The following PARD3 variants were observed in gnomAD, a reference collection of about 807,000 sequenced individuals.
The protein encoded by PARD3 is partitioning defective 3 homolog.
PARD3 carries 75 observed loss-of-function variants against 155.4 expected under a neutral mutation model. The observed-to-expected ratio is 0.48, with a 90% CI of 0.40 to 0.58. The LOEUF (loss-of-function observed/expected upper bound fraction) is 0.58. Ranked by LOEUF, PARD3 falls within the 20% of genes least tolerant of loss-of-function variation. PARD3 has a pLI of 0.00. For missense variants in PARD3, 1,642 were observed against 1,721.7 expected (o/e 0.95, Z 0.82); for synonymous variants, 576 against 610.5 (o/e 0.94, Z 0.83).
At chr10:34,204,527 G>C (rs1304015626) in intron 22 of PARD3, among the ~76,000 whole-genome samples, 2 of 152,108 alleles carry the variant, frequency 1.3e-5, no homozygotes, top group Non-Finnish European at 2.9e-5. Context: ...CCAAAACTCA[G>C]GGCCCCAATC....
rs1232024635 is a variant in PARD3, at chr10:34,329,869, T to TGTATAAGCATTATAC, written c.2833+1233_2833+1247dup. ...TATTCATCTTCCCAAACGCATTATA[T>TGTATAAGCATTATAC]GTATAAGCATTATACGTATAAGCAA... On this transcript the variant is annotated intron_variant, in intron 19 of 24. Coordinates refer to ENST00000374788, the MANE Select transcript of PARD3 (RefSeq NM_001184785.2). Among the ~76,000 whole-genome samples the TGTATAAGCATTATAC allele has an allele frequency of 2.6e-5, 4 of 152,200 alleles. No individual in the cohort carries two copies. In the East Asian group the frequency reaches 7.7e-4, roughly 29 times the overall value.
At chr10:34,744,339 C>G (rs978344626) in intron 1 of PARD3, among the ~76,000 whole-genome samples, 2 of 152,174 alleles carry the variant, frequency 1.3e-5, no homozygotes, top group Non-Finnish European at 2.9e-5. Flanking sequence ...ATTACATTTA[C>G]CATCTCAAAA....
At chr10:34,460,020 T>G (rs1316200899) in intron 4 of PARD3, among the ~76,000 whole-genome samples, 1 of 152,320 alleles carries the variant, frequency 6.6e-6, no homozygotes, top group Admixed American at 6.5e-5. Flanking sequence ...CTTATTTTCA[T>G]TTATCATAAT....
intron 20 of PARD3, among the ~76,000 whole-genome samples, chr10:34,299,221 C>T (rs936223326): frequency 1.4e-4 from 21 of 152,230 alleles, no homozygotes; most frequent in African/African-American, 5.1e-4. Context: ...ATTGAGACAA[C>T]TGCAAATAAA....
At chr10:34,326,609 G>C (rs749499414) in intron 19 of PARD3, among the ~76,000 whole-genome samples, 4 of 152,178 alleles carry the variant, frequency 2.6e-5, no homozygotes, top group Non-Finnish European at 5.9e-5. Context: ...AAGGTGGCTA[G>C]AAGTGGGTAG....
At chr10:34,573,770 CACACACACACACACAG>C (rs932025668) in intron 2 of PARD3, among the ~76,000 whole-genome samples, 246 of 145,082 alleles carry the variant, frequency 1.7e-3, no homozygotes, top group African/African-American at 6.0e-3. Flanking sequence ...CACACACACA[CACACACACACACACAG>C]AGAATCAGCC....
At chr10:34,704,761 G>A (rs1484247474) in intron 1 of PARD3, among the ~76,000 whole-genome samples, 5 of 152,124 alleles carry the variant, frequency 3.3e-5, no homozygotes, top group Admixed American at 1.3e-4. Flanking sequence ...AGACTAAAGA[G>A]AAACAAGTTT....
chr10:34,341,705 C>G lies in PARD3; in HGVS notation c.2330G>C (p.Ser777Thr). 18 of 1,613,924 alleles carry G rather than the reference C, an allele frequency of 1.1e-5. No homozygotes were observed. Among genetic ancestry groups the G allele is most frequent in the Non-Finnish European group, 1.4e-5 (17 of 1,179,942 alleles). Residue 777 changes from serine to threonine, a missense_variant, in exon 16 of 25, where the codon AGC becomes ACC. Transcript: ENST00000374788. ...PPHLSDQSSSSSHDDVGFVTA... is the reference protein window; with the variant it reads ...PPHLSDQSSSTSHDDVGFVTA... ...CACAAACCCCACATCATCATGGGAG[C>G]TGGAAGAGGACTGGTCAGAGAGATG...
In PARD3 at chr10:34,664,904, A is replaced by C. The variant is rs1157632643; in HGVS notation, c.222+31414T>G. ...GTAGAATGTTGAATCCCCTTCTCTGATTCACTTCTCTTCTATGATGGCTTA... is the reference window on the plus strand; with the variant it reads ...GTAGAATGTTGAATCCCCTTCTCTGCTTCACTTCTCTTCTATGATGGCTTA... On this transcript the variant is annotated intron_variant, in intron 2 of 24. Transcript: ENST00000374788. 3.9e-5 allele frequency among the ~76,000 whole-genome samples: 6 copies of C among 152,020 alleles called. No homozygotes were observed. In the East Asian group the frequency reaches 7.7e-4, roughly 20 times the overall value.
chr10:34,272,247 A>T (rs1955650635), intron 21 of PARD3, among the ~76,000 whole-genome samples: 2 of 152,210 alleles, frequency 1.3e-5, no homozygotes, highest in African/African-American at 4.8e-5. Flanking sequence ...TAGTGCGTGG[A>T]GAAGGGTTTT....
chr10:34,809,704 G>A (rs1418888156), intron 1 of PARD3, among the ~76,000 whole-genome samples: 1 of 152,212 alleles, frequency 6.6e-6, no homozygotes, highest in Admixed American at 6.5e-5. Flanking sequence ...CTTGGAGAAC[G>A]CGGGACAAAG....
intron 20 of PARD3, among the ~76,000 whole-genome samples, chr10:34,295,890 T>C (rs554565698): frequency 6.6e-6 from 1 of 152,346 alleles, no homozygotes; most frequent in Non-Finnish European, 1.5e-5. Flanking sequence ...CAGACAGATG[T>C]ACCCTGCCTT....
intron 20 of PARD3, among the ~76,000 whole-genome samples, chr10:34,305,809 C>G (rs1232680029): frequency 6.6e-6 from 1 of 152,056 alleles, no homozygotes; most frequent in Non-Finnish European, 1.5e-5. Flanking sequence ...GAGACCGTGT[C>G]TTTACAAAAA....
intron 22 of PARD3, among the ~76,000 whole-genome samples, chr10:34,252,954 C>T (rs1564520943): frequency 6.6e-6 from 1 of 152,246 alleles, no homozygotes; most frequent in East Asian, 1.9e-4. Flanking sequence ...AACTGTGAAC[C>T]TGTTGGTCTG....
chr10:34,111,053 C>T lies in PARD3; in HGVS notation c.*116G>A. On this transcript the variant is annotated 3_prime_UTR_variant, in exon 25 of 25. Transcript: ENST00000374788. ...CCTACACCGCTTAAAGGCACTGATA[C>T]CAACAACAGAAATACTCCATAGTAC... The T allele has an allele frequency of 3.4e-6, 4 of 1,177,686 alleles. No individual in the cohort carries two copies. The highest frequency in any genetic ancestry group is 2.4e-5 in the Admixed American group (1 of 42,486). 73.0% of individuals were successfully genotyped at this position (1,177,686 alleles called of 1,614,324 possible).
chr10:34,648,129 T>G (rs1029093695), intron 2 of PARD3, among the ~76,000 whole-genome samples: 1 of 152,230 alleles, frequency 6.6e-6, no homozygotes, highest in Non-Finnish European at 1.5e-5. Flanking sequence ...CTGCATTTGA[T>G]TTATACAAAC....
chr10:34,570,721 A>G (rs2086321780), intron 2 of PARD3, among the ~76,000 whole-genome samples: 1 of 152,236 alleles, frequency 6.6e-6, no homozygotes. Context: ...ATAGAAAAGC[A>G]CATATTGTCA....
Position 34,615,173 on chromosome 10 carries a change from G to A in PARD3, c.222+81145C>T, listed in dbSNP as rs577554538. Reference sequence around the variant, plus strand: ...TCCAGCCTGGGCAGCCTGGGTGGCAGAGTGAGGCTCCGTCTACTAAAAACA... The same window carrying A: ...TCCAGCCTGGGCAGCCTGGGTGGCAAAGTGAGGCTCCGTCTACTAAAAACA... On this transcript the variant is annotated intron_variant, in intron 2 of 24. Transcript: ENST00000374788. Among the ~76,000 whole-genome samples the A allele has an allele frequency of 8.1e-4, 123 of 152,246 alleles. 1 individual carries two copies. Among genetic ancestry groups the A allele is most frequent in the African/African-American group, 2.7e-3 (113 of 41,558 alleles).
At chr10:34,129,182 T>C (rs1947455976) in intron 23 of PARD3, among the ~76,000 whole-genome samples, 1 of 152,180 alleles carries the variant, frequency 6.6e-6, no homozygotes, top group African/African-American at 2.4e-5. Context: ...ATTCAGAGTC[T>C]TGCTCTGTCG....
Sources: allele counts gnomAD v4.1 joint callset (sites outside exome capture counted in the v4.1 genomes callset), GRCh38; gene constraint gnomAD v4.1.1; transcripts MANE v1.5; gene names NCBI Gene and HGNC (gene_info 2026-07-23, HGNC 2026-07-21).